CTNNA2: variants seen among roughly 807,000 people sequenced by gnomAD.
CTNNA2 encodes catenin alpha 2.
A neutral mutation model predicts 101.0 loss-of-function variants in CTNNA2; 42 were observed. That is an observed-to-expected ratio of 0.42 (90% confidence interval 0.32 to 0.54). The LOEUF (loss-of-function observed/expected upper bound fraction) is 0.54. CTNNA2 is among the 20% of genes least tolerant of loss of function. CTNNA2 has a pLI of 0.14. For missense variants in CTNNA2, 871 were observed against 1,223.1 expected, an observed-to-expected ratio of 0.71 and a Z score of 4.29; for synonymous variants, 450 against 456.4, an observed-to-expected ratio of 0.99 and a Z score of 0.18.
intron 7 of CTNNA2, among the ~76,000 whole-genome samples, chr2:80,300,281 G>GGGGGGT (rs1353283390): frequency 1.1e-5 from 1 of 93,108 alleles, no homozygotes; most frequent in Non-Finnish European, 2.2e-5. Context: ...GGGGTGTTGG[G>GGGGGGT]GTGTGTGTGT....
At chr2:80,240,640 C>A (rs1316028964) in intron 7 of CTNNA2, among the ~76,000 whole-genome samples, 3 of 152,138 alleles carry the variant, frequency 2.0e-5, no homozygotes, top group East Asian at 1.9e-4. Context: ...GAAAAAAATT[C>A]TCTCTGTTAC....
intron 2 of CTNNA2, among the ~76,000 whole-genome samples, chr2:79,290,541 A>G (rs1181067500): frequency 6.6e-6 from 1 of 152,106 alleles, no homozygotes; most frequent in African/African-American, 2.4e-5. Flanking sequence ...CCAAGACCCT[A>G]GCAAACAGAG....
At chr2:80,201,375 T>TC (rs1707200149) in intron 7 of CTNNA2, among the ~76,000 whole-genome samples, 1 of 138,964 alleles carries the variant, frequency 7.2e-6, no homozygotes, top group East Asian at 2.0e-4. Flanking sequence ...TTCTTTTTTT[T>TC]TTTTTTTTTT....
intron 2 of CTNNA2, among the ~76,000 whole-genome samples, chr2:79,736,435 T>C (rs1670883823): frequency 6.6e-6 from 1 of 152,208 alleles, no homozygotes; most frequent in Non-Finnish European, 1.5e-5. Flanking sequence ...TAACTGGTCA[T>C]TAAAACCTGA....
chr2:80,090,180 GTGTGTGTGTT>G (rs1573042787), intron 7 of CTNNA2, among the ~76,000 whole-genome samples: 1 of 127,334 alleles, frequency 7.9e-6, no homozygotes, highest in South Asian at 3.2e-4. Flanking sequence ...GTGTGTGTGT[GTGTGTGTGTT>G]TGTGTGTATG....
intron 2 of CTNNA2, among the ~76,000 whole-genome samples, chr2:79,661,079 C>T (rs1226949635): frequency 6.6e-6 from 1 of 152,132 alleles, no homozygotes; most frequent in Non-Finnish European, 1.5e-5. Context: ...GTTTGGTGAA[C>T]ACACACCACC....
chr2:79,259,440 G>A (rs1674891945), intron 2 of CTNNA2, among the ~76,000 whole-genome samples: 1 of 152,212 alleles, frequency 6.6e-6, no homozygotes, highest in Non-Finnish European at 1.5e-5. Context: ...ATTCAGAGGT[G>A]AACAGGAAAA....
At chr2:80,213,289 C>A (rs6742357) in intron 7 of CTNNA2, among the ~76,000 whole-genome samples, 32,071 of 151,728 alleles carry the variant, frequency 0.21, 5,033 homozygotes, top group African/African-American at 0.44. Flanking sequence ...TTCTCTAGTT[C>A]TTTTAATTGT....
intron 18 of CTNNA2, among the ~76,000 whole-genome samples, chr2:80,628,254 A>G (rs940823484): frequency 2.8e-5 from 4 of 145,356 alleles, no homozygotes; most frequent in Non-Finnish European, 6.0e-5. Flanking sequence ...ACAGAATTGG[A>G]AAAAAAAACA....
At chr2:79,310,041 GATTT>G (rs1257717782) in intron 2 of CTNNA2, among the ~76,000 whole-genome samples, 3 of 151,942 alleles carry the variant, frequency 2.0e-5, no homozygotes, top group Non-Finnish European at 4.4e-5. Flanking sequence ...AGATACTATT[GATTT>G]ATTTATGTTG....
chr2:79,899,354 A>T (rs1684926366), intron 6 of CTNNA2, among the ~76,000 whole-genome samples: 1 of 152,184 alleles, frequency 6.6e-6, no homozygotes, highest in African/African-American at 2.4e-5. Context: ...TCGGAGCTAG[A>T]GAATGTGCTC....
At chr2:80,433,540 A>C (rs888103927) in intron 9 of CTNNA2, among the ~76,000 whole-genome samples, 17 of 152,034 alleles carry the variant, frequency 1.1e-4, no homozygotes, top group Admixed American at 9.8e-4. Flanking sequence ...GACAAGCAGA[A>C]CAAGGAAGAC....
Position 80,149,774 on chromosome 2 carries a change from TCACACACACACACACA to T in CTNNA2, c.1056+240004_1056+240019del, listed in dbSNP as rs10595115. ...TCAGGGAATACTCGATTAGAATGGATCACACACACACACACACACACACACACACACACACACACAC... is the reference window on the plus strand; with the variant it reads ...TCAGGGAATACTCGATTAGAATGGATCACACACACACACACACACACACAC... On this transcript the variant is annotated intron_variant, in intron 7 of 18. Transcript: ENST00000402739. Among the ~76,000 whole-genome samples the T allele has an allele frequency of 1.2e-3, 177 of 143,392 alleles. 1 individual carries two copies. Among genetic ancestry groups the T allele is most frequent in the African/African-American group, 3.8e-3 (148 of 38,624 alleles). The allele number at this position is 143,392 out of a possible 152,430, so 94.1% of individuals were successfully genotyped here.
chr2:80,469,429 G>A (rs1685113895), intron 9 of CTNNA2, among the ~76,000 whole-genome samples: 1 of 152,184 alleles, frequency 6.6e-6, no homozygotes, highest in Non-Finnish European at 1.5e-5. Flanking sequence ...TTTCCAGCTG[G>A]GAAAAAAGTC....
intron 2 of CTNNA2, among the ~76,000 whole-genome samples, chr2:79,305,915 G>A (rs1380426855): frequency 3.3e-5 from 5 of 151,758 alleles, no homozygotes; most frequent in African/African-American, 7.3e-5. Context: ...GCATGGTGGC[G>A]GGCACCTGTA....
intron 7 of CTNNA2, among the ~76,000 whole-genome samples, chr2:80,390,068 A>G (rs1203784498): frequency 2.0e-5 from 3 of 152,204 alleles, no homozygotes; most frequent in African/African-American, 7.2e-5. Context: ...CATCATGGAG[A>G]AAAAGCTGGC....
chr2:80,094,327 A>G (rs1274543951), intron 7 of CTNNA2, among the ~76,000 whole-genome samples: 1 of 151,858 alleles, frequency 6.6e-6, no homozygotes, highest in East Asian at 1.9e-4. Context: ...GATATGCGGC[A>G]TTATTTCTGA....
At chr2:79,194,843 A>G (rs1037534230) in intron 1 of CTNNA2, among the ~76,000 whole-genome samples, 2 of 152,210 alleles carry the variant, frequency 1.3e-5, no homozygotes, top group African/African-American at 4.8e-5. Context: ...CCAGAGGATT[A>G]TGTTTGGCAG....
At chr2:80,032,085 T>C (rs1188683566) in intron 7 of CTNNA2, among the ~76,000 whole-genome samples, 2 of 152,170 alleles carry the variant, frequency 1.3e-5, no homozygotes, top group Non-Finnish European at 2.9e-5. Flanking sequence ...TCCTTGATAC[T>C]CCATGAAGTT....
Sources: allele counts gnomAD v4.1 joint callset (sites outside exome capture counted in the v4.1 genomes callset), GRCh38; gene constraint gnomAD v4.1.1; transcripts MANE v1.5; gene names NCBI Gene and HGNC (gene_info 2026-07-23, HGNC 2026-07-21).